Variants in SOCS6 observed in about 807,000 individuals in gnomAD.
SOCS6 encodes the protein STAT induced STAT inhibitor-4.
SOCS6 carries 5 observed loss-of-function variants against 27.7 expected under a neutral mutation model. The observed-to-expected ratio is 0.18, with a 90% confidence interval of 0.09 to 0.38. SOCS6 has a LOEUF of 0.38. SOCS6 is among the 10% of genes least tolerant of loss of function. The probability of loss-of-function intolerance (pLI) is 1.00; values close to 1 mark genes in which losing one functional copy is unlikely to be tolerated. For synonymous variants in SOCS6, 271 were observed against 260.0 expected, an observed-to-expected ratio of 1.04 and a Z score of -0.41; for missense variants, 595 against 688.1, an observed-to-expected ratio of 0.86 and a Z score of 1.51.
At chr18:70,301,570 T>G (rs141944491) in intron 1 of SOCS6, among the ~76,000 whole-genome samples, 120 of 152,218 alleles carry the variant, frequency 7.9e-4, no homozygotes, top group African/African-American at 2.8e-3. Context: ...TTTGAACTTG[T>G]GAAGTTTCAG....
chr18:70,326,161 G>A lies in SOCS6; in HGVS notation c.1493G>A (p.Arg498His), dbSNP rs1911201476. 1.2e-6 allele frequency: 2 copies of A among 1,614,032 alleles called. No homozygotes were observed. Among genetic ancestry groups the A allele is most frequent in the African/African-American group, 1.3e-5 (1 of 74,906 alleles). The change falls in exon 2 of 2, where the codon CGC becomes CAC. Residue 498 changes from arginine (R) to histidine (H), a missense_variant. Arg to His is a conservative substitution (Grantham distance 29). Around this residue, in one of 2 missense-constraint regions of SOCS6, gnomAD observed 128 missense variants for 207.0 expected, o/e 0.62. Coordinates refer to ENST00000397942, the MANE Select transcript of SOCS6 (RefSeq NM_004232.4). ...CCAGTGTCCCGGTTCATGCAGGTGC[G>A]CTCGTTGCAGTACCTGTGTCGTTTT... ...TNPVSRFMQV[R>H]SLQYLCRFVI... is the part of the protein sequence containing the mutation.
chr18:70,301,773 G>A (rs1214059721), intron 1 of SOCS6, among the ~76,000 whole-genome samples: 1 of 152,142 alleles, frequency 6.6e-6, no homozygotes, highest in Non-Finnish European at 1.5e-5. Flanking sequence ...GACTCCAGAG[G>A]GAGACTAGCA....
chr18:70,302,198 G>A (rs1045163872), intron 1 of SOCS6, among the ~76,000 whole-genome samples: 29 of 152,152 alleles, frequency 1.9e-4, no homozygotes, highest in African/African-American at 6.5e-4. Flanking sequence ...GTAGCAGAAT[G>A]GAGTAGATGG....
Position 70,328,823 on chromosome 18 carries a change from A to T in SOCS6, c.*2547A>T, listed in dbSNP as rs1327474426. 1 of 167,050 alleles carries T rather than the reference A, an allele frequency of 6.0e-6. No homozygotes were observed. Among genetic ancestry groups the T allele is most frequent in the African/African-American group, 2.4e-5 (1 of 41,454 alleles). 10.3% of individuals were successfully genotyped at this position (167,050 alleles called of 1,614,324 possible). On this transcript the variant is annotated 3_prime_UTR_variant, in exon 2 of 2. Coordinates refer to ENST00000397942, the MANE Select transcript of SOCS6 (RefSeq NM_004232.4). ...ATATGATACTAACACAGTCCAGTTAAAAGTGGAAACAGGGAAAAGAGAGAG... is the reference window on the plus strand; with the variant it reads ...ATATGATACTAACACAGTCCAGTTATAAGTGGAAACAGGGAAAAGAGAGAG...
intron 1 of SOCS6, among the ~76,000 whole-genome samples, chr18:70,290,531 C>T (rs765845269): frequency 1.3e-5 from 2 of 152,148 alleles, no homozygotes; most frequent in East Asian, 1.9e-4. Context: ...GTTTTGTGCA[C>T]GCGTGGATAT....
At chr18:70,290,012 T>C (rs1163580326) in intron 1 of SOCS6, among the ~76,000 whole-genome samples, 1 of 152,166 alleles carries the variant, frequency 6.6e-6, no homozygotes, top group Non-Finnish European at 1.5e-5. Flanking sequence ...CCCCACTGTT[T>C]GGAATGAAGG....
chr18:70,321,947 T>C (rs1271534432), intron 1 of SOCS6, among the ~76,000 whole-genome samples: 1 of 152,170 alleles, frequency 6.6e-6, no homozygotes, highest in Admixed American at 6.5e-5. Context: ...AATAAAGCTG[T>C]TTTGTTTATT....
chr18:70,295,004 G>T (rs1052463908), intron 1 of SOCS6, among the ~76,000 whole-genome samples: 2 of 152,184 alleles, frequency 1.3e-5, no homozygotes, highest in African/African-American at 4.8e-5. Flanking sequence ...AAGAAGACAG[G>T]ATATATCTGA....
intron 1 of SOCS6, among the ~76,000 whole-genome samples, chr18:70,298,128 TTAAGA>T (rs1363619469): frequency 3.3e-5 from 5 of 151,296 alleles, no homozygotes; most frequent in Non-Finnish European, 7.4e-5. Flanking sequence ...TTCATTACAT[TTAAGA>T]TATTTTAATA....
chr18:70,321,144 C>T (rs1019825056), intron 1 of SOCS6, among the ~76,000 whole-genome samples: 2 of 151,480 alleles, frequency 1.3e-5, no homozygotes, highest in African/African-American at 2.4e-5. Flanking sequence ...CGTGGTGGTG[C>T]GTGCCTATAG....
intron 1 of SOCS6, among the ~76,000 whole-genome samples, chr18:70,311,273 C>G (rs1044652469): frequency 6.6e-6 from 1 of 152,110 alleles, no homozygotes; most frequent in African/African-American, 2.4e-5. Flanking sequence ...AAGAGGGAAG[C>G]AAAAGGCTGA....
intron 1 of SOCS6, among the ~76,000 whole-genome samples, chr18:70,314,473 A>G (rs1302021875): frequency 1.3e-5 from 2 of 152,156 alleles, no homozygotes; most frequent in Admixed American, 6.5e-5. Context: ...ATGTTTAGAT[A>G]CACAAATACT....
intron 1 of SOCS6, among the ~76,000 whole-genome samples, chr18:70,317,404 T>C (rs1317082302): frequency 6.6e-6 from 1 of 151,908 alleles, no homozygotes; most frequent in African/African-American, 2.4e-5. Context: ...TTTTTATAGC[T>C]AAGTAGTATT....
At chr18:70,312,508 A>G (rs2062394623) in intron 1 of SOCS6, among the ~76,000 whole-genome samples, 2 of 152,180 alleles carry the variant, frequency 1.3e-5, no homozygotes, top group South Asian at 4.1e-4. Flanking sequence ...TACTTCAATC[A>G]TGAGTTATGA....
chr18:70,296,987 TC>T (rs1311323670), intron 1 of SOCS6, among the ~76,000 whole-genome samples: 1 of 145,712 alleles, frequency 6.9e-6, no homozygotes, highest in Non-Finnish European at 1.5e-5. Context: ...TTAGCTTTTT[TC>T]TCCATTTTTC....
At chr18:70,320,816 A>G (rs180743643) in intron 1 of SOCS6, among the ~76,000 whole-genome samples, 1 of 152,320 alleles carries the variant, frequency 6.6e-6, no homozygotes, top group East Asian at 1.9e-4. Context: ...ACTGTACTGT[A>G]ACAGATTCAG....
intron 1 of SOCS6, among the ~76,000 whole-genome samples, chr18:70,300,611 A>G (rs969019605): frequency 6.6e-6 from 1 of 152,180 alleles, no homozygotes; most frequent in African/African-American, 2.4e-5. Context: ...AAGTCCGTAC[A>G]TATTTTTATT....
At chr18:70,316,343 G>A (rs2062411413) in intron 1 of SOCS6, among the ~76,000 whole-genome samples, 1 of 152,084 alleles carries the variant, frequency 6.6e-6, no homozygotes, top group Admixed American at 6.5e-5. Flanking sequence ...TTTCATTGGG[G>A]CCTTTAGTAA....
In SOCS6 at chr18:70,325,263, G is replaced by A; in HGVS notation, c.595G>A (p.Gly199Arg). The A allele has an allele frequency of 6.2e-7, 1 of 1,614,186 alleles. No homozygotes were observed. The change falls in exon 2 of 2, where the codon GGA (glycine) becomes AGA (arginine). Residue 199 changes from glycine to arginine, a missense_variant. Physicochemically the swap from Gly to Arg is moderately radical, Grantham distance 125 (BLOSUM62 -2). Transcript: ENST00000397942. This position sits in a 1 kb window ranked among gnomAD's most constrained non-coding sequence, Gnocchi z 6.3. ...NSLKSSASHN[G>R]DLHLHLDEHV... ...ACTGAAGAGCTCGGCTTCTCATAAT[G>A]GAGACCTGCATCTTCACCTGGATGA...
Sources: gnomAD v4.1 joint callset for allele counts (sites outside exome capture counted in the v4.1 genomes callset) on GRCh38, gnomAD v4.1.1 for gene constraint, gnomAD v4.1.1 regional missense constraint, Gnocchi (gnomAD v3.1) non-coding constraint, MANE v1.5 for transcripts, NCBI Gene and HGNC (gene_info 2026-07-23, HGNC 2026-07-21) for gene names.